GRIA4: variants seen among roughly 807,000 people sequenced by gnomAD.
GRIA4 encodes glutamate receptor 4.
Under a neutral mutation model 104.0 loss-of-function variants are expected in GRIA4, and 34 were observed. That is an observed-to-expected ratio of 0.33 (90% CI 0.25 to 0.44). The LOEUF (loss-of-function observed/expected upper bound fraction) is 0.44. GRIA4 is among the 20% of genes least tolerant of loss of function. GRIA4 has a pLI of 1.00. For missense variants in GRIA4, 750 were observed against 1,096.5 expected (o/e 0.68, Z 4.46); for synonymous variants, 386 against 381.9 (o/e 1.01, Z -0.13).
At chr11:105,704,943 A>G (rs1024348001) in intron 3 of GRIA4, among the ~76,000 whole-genome samples, 5 of 152,134 alleles carry the variant, frequency 3.3e-5, no homozygotes, top group African/African-American at 1.2e-4. Flanking sequence ...CAAACATGCA[A>G]GAAGAGGTAG....
intron 3 of GRIA4, among the ~76,000 whole-genome samples, chr11:105,705,594 A>G (rs1953668080): frequency 6.6e-6 from 1 of 152,128 alleles, no homozygotes; most frequent in South Asian, 2.1e-4. Context: ...AAACAAGAGA[A>G]AGACCTGAAC....
At position 105,660,471 on chromosome 11, in the gene GRIA4, T is replaced by C. The variant is rs939504660; in HGVS notation, c.247+48037T>C. 3.3e-5 allele frequency among the ~76,000 whole-genome samples: 5 copies of C among 151,500 alleles called. No homozygotes were observed. In the East Asian group the frequency reaches 9.7e-4, roughly 29 times the overall value. ...TAAAACTATCAATCAAATTTGAGAG[T>C]AGAATGAATATATTTTCAGATATGC... is the stretch of plus-strand genomic sequence containing the variant. On this transcript the variant is annotated intron_variant, in intron 3 of 16. Coordinates refer to ENST00000282499, the MANE Select transcript of GRIA4 (RefSeq NM_000829.4).
At chr11:105,729,560 GA>G (rs1938450075) in intron 3 of GRIA4, among the ~76,000 whole-genome samples, 1 of 152,102 alleles carries the variant, frequency 6.6e-6, no homozygotes, top group Non-Finnish European at 1.5e-5. Context: ...AACAAAAAAA[GA>G]AAATTTCAGG....
At chr11:105,962,242 AATTTAAT>A (rs1948762385) in intron 14 of GRIA4, among the ~76,000 whole-genome samples, 1 of 152,168 alleles carries the variant, frequency 6.6e-6, no homozygotes, top group Non-Finnish European at 1.5e-5. Flanking sequence ...AGATCTATAT[AATTTAAT>A]GATAAGTTAT....
chr11:105,764,502 G>A (rs997827933), intron 4 of GRIA4, among the ~76,000 whole-genome samples: 2 of 152,026 alleles, frequency 1.3e-5, no homozygotes, highest in Admixed American at 1.3e-4. Flanking sequence ...AATTATATAT[G>A]AAATAAATGG....
chr11:105,685,199 A>G (rs865798934), intron 3 of GRIA4, among the ~76,000 whole-genome samples: 8 of 149,514 alleles, frequency 5.4e-5, no homozygotes, highest in African/African-American at 2.0e-4. Flanking sequence ...GGGAGGGAGG[A>G]AGGAAGGAAG....
intron 14 of GRIA4, among the ~76,000 whole-genome samples, chr11:105,965,197 G>A (rs1238648010): frequency 1.3e-5 from 2 of 151,960 alleles, no homozygotes; most frequent in African/African-American, 4.8e-5. Context: ...ATCTAATCTA[G>A]TGGGTTTGTT....
chr11:105,896,394 T>G (rs1422059186), intron 6 of GRIA4, among the ~76,000 whole-genome samples: 2 of 152,128 alleles, frequency 1.3e-5, no homozygotes, highest in African/African-American at 2.4e-5. Context: ...CTCTGTTGAT[T>G]GTTTCTTTTG....
intron 4 of GRIA4, among the ~76,000 whole-genome samples, chr11:105,827,825 A>G (rs558356800): frequency 5.3e-5 from 8 of 152,178 alleles, no homozygotes; most frequent in Non-Finnish European, 1.0e-4. Flanking sequence ...TTAAATCAAC[A>G]ACTTCTGGTT....
At chr11:105,669,611 A>G (rs1489492977) in intron 3 of GRIA4, among the ~76,000 whole-genome samples, 1 of 152,042 alleles carries the variant, frequency 6.6e-6, no homozygotes, top group Non-Finnish European at 1.5e-5. Flanking sequence ...GTAATCCTCT[A>G]TCACACTTTG....
At chr11:105,626,617 A>G (rs1950893351) in intron 3 of GRIA4, among the ~76,000 whole-genome samples, 1 of 152,174 alleles carries the variant, frequency 6.6e-6, no homozygotes, top group South Asian at 2.1e-4. Flanking sequence ...CGAACATTTC[A>G]TTAAAGCATT....
At chr11:105,901,831 A>T (rs1026602898) in intron 7 of GRIA4, among the ~76,000 whole-genome samples, 6 of 152,190 alleles carry the variant, frequency 3.9e-5, no homozygotes, top group African/African-American at 1.4e-4. Context: ...CCTGTTGAAA[A>T]AGTGGCAATA....
chr11:105,928,262 A>G (rs1947775060), intron 13 of GRIA4, among the ~76,000 whole-genome samples: 1 of 152,050 alleles, frequency 6.6e-6, no homozygotes, highest in South Asian at 2.1e-4. Flanking sequence ...AAAAGAAACC[A>G]GACAATGAAC....
In GRIA4 at chr11:105,732,090, T is replaced by C. The variant is rs117018812; in HGVS notation, c.248-20891T>C. Among the ~76,000 whole-genome samples, 1,109 of 152,156 alleles carry C rather than the reference T, an allele frequency of 7.3e-3. 14 individuals are homozygous for C. Among genetic ancestry groups the C allele is most frequent in the East Asian group, 0.049 (254 of 5,162 alleles). On this transcript the variant is annotated intron_variant, in intron 3 of 16. Transcript: ENST00000282499. Reference sequence around the variant, plus strand: ...GAGGACTCTAAGCTGTCCAGTAATATCAAGTGCAAAATAACAGCTACTATC... The same window carrying C: ...GAGGACTCTAAGCTGTCCAGTAATACCAAGTGCAAAATAACAGCTACTATC...
chr11:105,652,583 G>C (rs1220758961), intron 3 of GRIA4, among the ~76,000 whole-genome samples: 1 of 152,158 alleles, frequency 6.6e-6, no homozygotes, highest in Non-Finnish European at 1.5e-5. Context: ...ATCAACTAGA[G>C]CTTTCTGCCT....
At chr11:105,750,566 A>C (rs970532897) in intron 3 of GRIA4, among the ~76,000 whole-genome samples, 4 of 152,168 alleles carry the variant, frequency 2.6e-5, no homozygotes, top group Non-Finnish European at 2.9e-5. Context: ...AAAATATCAG[A>C]AAATATTGTT....
chr11:105,648,099 T>A (rs1951581964), intron 3 of GRIA4, among the ~76,000 whole-genome samples: 2 of 152,024 alleles, frequency 1.3e-5, no homozygotes, highest in Admixed American at 1.3e-4. Context: ...AACTCACTGT[T>A]ACAAAAATGT....
At chr11:105,620,328 C>CACT (rs1555082383) in intron 3 of GRIA4, among the ~76,000 whole-genome samples, 31 of 151,284 alleles carry the variant, frequency 2.0e-4, no homozygotes, top group African/African-American at 7.3e-4. Context: ...CAGAAGTAGG[C>CACT]ATTATTATTA....
chr11:105,684,290 A>T (rs1436833711), intron 3 of GRIA4, among the ~76,000 whole-genome samples: 1 of 152,094 alleles, frequency 6.6e-6, no homozygotes, highest in Non-Finnish European at 1.5e-5. Flanking sequence ...AATATTATCA[A>T]CGACATTAAA....
Sources: gnomAD v4.1 joint callset for allele counts (sites outside exome capture counted in the v4.1 genomes callset) on GRCh38, gnomAD v4.1.1 for gene constraint, MANE v1.5 for transcripts, NCBI Gene and HGNC (gene_info 2026-07-23, HGNC 2026-07-21) for gene names.